Variants in SEMA3C observed in about 807,000 individuals in gnomAD.
SEMA3C encodes the protein semaphorin-3C.
A neutral mutation model predicts 89.4 loss-of-function variants in SEMA3C; 47 were observed. The observed-to-expected ratio is 0.53, with a 90% CI of 0.42 to 0.67. The LOEUF (loss-of-function observed/expected upper bound fraction) is 0.67, where lower values mean the gene tolerates loss of function less well. SEMA3C is among the 30% of genes least tolerant of loss of function. The pLI is 0.00. For synonymous variants in SEMA3C, 310 were observed against 320.2 expected (o/e 0.97, Z 0.34); for missense variants, 839 against 929.1 (o/e 0.90, Z 1.26).
At chr7:80,904,191 C>A (rs896134019) in intron 2 of SEMA3C, among the ~76,000 whole-genome samples, 1 of 152,106 alleles carries the variant, frequency 6.6e-6, no homozygotes, top group Non-Finnish European at 1.5e-5. Context: ...CAGCCGTGCA[C>A]CACCATGCCT....
intron 2 of SEMA3C, among the ~76,000 whole-genome samples, chr7:80,894,964 G>T (rs1010193801): frequency 6.6e-6 from 1 of 152,276 alleles, no homozygotes; most frequent in East Asian, 1.9e-4. Flanking sequence ...TAAGGGGCCA[G>T]ATTAGATGAT....
intron 4 of SEMA3C, among the ~76,000 whole-genome samples, chr7:80,824,211 T>C (rs1052046861): frequency 2.0e-5 from 3 of 152,202 alleles, no homozygotes; most frequent in Non-Finnish European, 4.4e-5. Flanking sequence ...TAACACTTTA[T>C]GTTTTGCTTA....
At position 80,833,785 on chromosome 7, in the gene SEMA3C, G is replaced by A. The variant is rs887668867; in HGVS notation, c.104-5040C>T. 1.5e-3 allele frequency among the ~76,000 whole-genome samples: 229 copies of A among 149,800 alleles called. 2 individuals carry two copies. Among genetic ancestry groups the A allele is most frequent in the African/African-American group, 5.4e-3 (221 of 40,798 alleles). On this transcript the variant is annotated intron_variant, in intron 2 of 17. Transcript: ENST00000265361. The stretch of plus-strand genomic sequence containing the variant: ...GAGAAACGACCATTTTTTTTTTTTA[G>A]AACATAGAGATGAGCTCAAAGCAAT...
intron 11 of SEMA3C, among the ~76,000 whole-genome samples, chr7:80,794,503 G>A (rs900183671): frequency 6.6e-6 from 1 of 152,010 alleles, no homozygotes; most frequent in African/African-American, 2.4e-5. Context: ...ACCAGAAGAC[G>A]TATGTAATCA....
At chr7:80,886,376 C>T (rs1583979456) in intron 2 of SEMA3C, among the ~76,000 whole-genome samples, 1 of 147,696 alleles carries the variant, frequency 6.8e-6, no homozygotes, top group Non-Finnish European at 1.5e-5. Flanking sequence ...TTTTTGGAGA[C>T]AGAGTCTTGC....
chr7:80,849,584 T>C (rs897477928), intron 2 of SEMA3C, among the ~76,000 whole-genome samples: 6 of 152,110 alleles, frequency 3.9e-5, no homozygotes, highest in Admixed American at 6.6e-5. Context: ...ATAAACACTA[T>C]AAGTGAGGGT....
intron 2 of SEMA3C, among the ~76,000 whole-genome samples, chr7:80,857,651 T>C (rs954701816): frequency 4.6e-5 from 7 of 152,172 alleles, no homozygotes; most frequent in Admixed American, 1.3e-4. Flanking sequence ...TTTAAATCGA[T>C]CAAAACTTAT....
chr7:80,794,742 T>C (rs1415110781), intron 11 of SEMA3C, among the ~76,000 whole-genome samples: 1 of 152,244 alleles, frequency 6.6e-6, no homozygotes, highest in African/African-American at 2.4e-5. Context: ...TTTATACATG[T>C]TGCAGCAGAA....
intron 2 of SEMA3C, among the ~76,000 whole-genome samples, chr7:80,905,575 T>A (rs1032146984): frequency 1.3e-5 from 2 of 152,094 alleles, no homozygotes; most frequent in African/African-American, 4.8e-5. Context: ...CTGCAATAAG[T>A]GTAAGTGCAA....
At chr7:80,888,021 A>G (rs1791523531) in intron 2 of SEMA3C, among the ~76,000 whole-genome samples, 1 of 152,208 alleles carries the variant, frequency 6.6e-6, no homozygotes, top group African/African-American at 2.4e-5. Flanking sequence ...TGATTTTTAC[A>G]TTAAAAAATA....
At chr7:80,759,099 A>C (rs1788129348) in intron 14 of SEMA3C, among the ~76,000 whole-genome samples, 1 of 152,134 alleles carries the variant, frequency 6.6e-6, no homozygotes, top group South Asian at 2.1e-4. Context: ...ACTGATCTTC[A>C]TCATCCTAAA....
intron 12 of SEMA3C, among the ~76,000 whole-genome samples, chr7:80,788,469 T>C (rs537891327): frequency 2.6e-5 from 4 of 152,308 alleles, no homozygotes; most frequent in Admixed American, 2.0e-4. Flanking sequence ...TGAGTGGGTT[T>C]CATCCCTAGA....
At chr7:80,844,232 G>A (rs868065147) in intron 2 of SEMA3C, among the ~76,000 whole-genome samples, 6 of 152,144 alleles carry the variant, frequency 3.9e-5, no homozygotes, top group Admixed American at 1.3e-4. Flanking sequence ...AAAAATAAAC[G>A]TATTGGACAG....
At chr7:80,834,159 T>C (rs941054306) in intron 2 of SEMA3C, among the ~76,000 whole-genome samples, 1 of 152,108 alleles carries the variant, frequency 6.6e-6, no homozygotes, top group Admixed American at 6.6e-5. Context: ...AAGGGCAGCA[T>C]AGGTCTCCTG....
intron 2 of SEMA3C, among the ~76,000 whole-genome samples, chr7:80,868,322 C>T (rs1790976849): frequency 6.6e-6 from 1 of 152,096 alleles, no homozygotes; most frequent in African/African-American, 2.4e-5. Flanking sequence ...GGCTGGAGTG[C>T]AGCGATGCAG....
intron 2 of SEMA3C, among the ~76,000 whole-genome samples, chr7:80,851,120 AT>A (rs1343250082): frequency 1.3e-5 from 2 of 152,060 alleles, no homozygotes; most frequent in East Asian, 3.9e-4. Flanking sequence ...TACACTTGTG[AT>A]TCCATTTAGG....
chr7:80,769,349 T>C (rs1200999783), intron 12 of SEMA3C, among the ~76,000 whole-genome samples: 1 of 152,140 alleles, frequency 6.6e-6, no homozygotes, highest in East Asian at 1.9e-4. Context: ...CAGGTTTTGC[T>C]TAGAAAGGTT....
intron 4 of SEMA3C, among the ~76,000 whole-genome samples, chr7:80,822,199 C>G (rs1257700528): frequency 6.6e-6 from 1 of 151,978 alleles, no homozygotes; most frequent in Non-Finnish European, 1.5e-5. Context: ...CATAATGTAT[C>G]AGGCTGTGGT....
chr7:80,753,383 G>T (rs959296730), intron 15 of SEMA3C, among the ~76,000 whole-genome samples: 2 of 152,174 alleles, frequency 1.3e-5, no homozygotes, highest in Non-Finnish European at 2.9e-5. Context: ...ATCTAGGCAA[G>T]CAATATCATC....
Sources: gnomAD v4.1 joint callset for allele counts (sites outside exome capture counted in the v4.1 genomes callset) on GRCh38, gnomAD v4.1.1 for gene constraint, MANE v1.5 for transcripts, NCBI Gene and HGNC (gene_info 2026-07-23, HGNC 2026-07-21) for gene names.